GTPBP1: variants seen among roughly 807,000 people sequenced by gnomAD.
GTPBP1 encodes GTP binding protein 1, also known as GTP-binding protein 1.
In GTPBP1, 23 loss-of-function variants were observed where a neutral mutation model predicts 62.0. The ratio of observed to expected loss-of-function variants is 0.37; its 90% CI spans 0.27 to 0.53. GTPBP1 has a LOEUF of 0.53. Among genes scored for constraint, GTPBP1 ranks in the 20% least tolerant of loss-of-function variants. The pLI, the probability that GTPBP1 is intolerant of heterozygous loss-of-function variation, is 0.89. For missense variants in GTPBP1, 640 were observed against 917.3 expected (o/e 0.70, Z 3.90); for synonymous variants, 344 against 364.4 (o/e 0.94, Z 0.64).
At chr22:38,723,045 G>T in intron 5 of GTPBP1, 2 of 785,930 alleles carry the variant, frequency 2.5e-6, no homozygotes, top group Non-Finnish European at 4.6e-6. Flanking sequence ...ATGTTCATGT[G>T]GTCCAAACCA....
chr22:38,709,733 A>G (rs1327177053), intron 2 of GTPBP1, among the ~76,000 whole-genome samples: 1 of 152,164 alleles, frequency 6.6e-6, no homozygotes, highest in African/African-American at 2.4e-5. Context: ...CTCTCTTGTC[A>G]GGCTCCTTGC....
intron 5 of GTPBP1, chr22:38,722,814 C>CA (rs1390399779): frequency 6.3e-7 from 1 of 1,593,232 alleles, no homozygotes; most frequent in East Asian, 2.2e-5. Context: ...ATCCAGTGTC[C>CA]AGTTTGCTGG....
downstream of GTPBP1, among the ~76,000 whole-genome samples, chr22:38,737,380 C>G (rs1437940364): frequency 6.6e-6 from 1 of 152,148 alleles, no homozygotes; most frequent in Non-Finnish European, 1.5e-5. This position sits in a 1 kb window ranked among gnomAD's most constrained non-coding sequence, Gnocchi z 4.1. Flanking sequence ...CGTCTTTGTC[C>G]TCACTCCCAA....
chr22:38,714,149 A>G (rs57591809), intron 2 of GTPBP1, among the ~76,000 whole-genome samples: 224 of 152,326 alleles, frequency 1.5e-3, no homozygotes, highest in African/African-American at 5.3e-3. Flanking sequence ...CGAATGCTGT[A>G]GGAGTCAAGA....
downstream of GTPBP1, chr22:38,734,632 C>T (rs538748398): frequency 4.7e-6 from 1 of 213,962 alleles, no homozygotes; most frequent in African/African-American, 2.4e-5. Flanking sequence ...AGGAATAAGT[C>T]TTTGGGGACA....
chr22:38,730,158 ACT>A lies in GTPBP1; in HGVS notation c.1918-448_1918-447del, dbSNP rs2092749306. On this transcript the variant is annotated intron_variant, in intron 11 of 11. Transcript: ENST00000216044. This position sits in a 1 kb window ranked among gnomAD's most constrained non-coding sequence, Gnocchi z 5.6. ...CTCCTGCCAGCTGTCTCCCACAGGC[ACT>A]CTCTCCTGGCGTGATGAAGGCCTGG... is the stretch of plus-strand genomic sequence containing the variant. 1.3e-5 allele frequency among the ~76,000 whole-genome samples: 2 copies of A among 151,508 alleles called. No individual in the cohort carries two copies. Among genetic ancestry groups the A allele is most frequent in the Non-Finnish European group, 2.9e-5 (2 of 67,890 alleles).
intron 4 of GTPBP1, among the ~76,000 whole-genome samples, chr22:38,720,762 C>T (rs1378849388): frequency 6.6e-6 from 1 of 152,190 alleles, no homozygotes; most frequent in African/African-American, 2.4e-5. Context: ...TGCTTAAACA[C>T]CTAGTTCCTG....
downstream of GTPBP1, chr22:38,735,913 C>T: frequency 4.7e-6 from 1 of 211,198 alleles, no homozygotes; most frequent in South Asian, 6.3e-5. Context: ...ACAGCCCTGG[C>T]ACCTGCTTCA....
At chr22:38,709,433 C>T (rs2092625621) in intron 2 of GTPBP1, among the ~76,000 whole-genome samples, 1 of 152,138 alleles carries the variant, frequency 6.6e-6, no homozygotes, top group Admixed American at 6.5e-5. Flanking sequence ...TTAATTCTGA[C>T]CTTAGTGGCC....
chr22:38,724,397 C>A lies in GTPBP1; in HGVS notation c.1059C>A (p.Asn353Lys). 6.2e-7 allele frequency: 1 copy of A among 1,605,394 alleles called. No individual in the cohort carries two copies. Among genetic ancestry groups the A allele is most frequent in the Non-Finnish European group, 8.5e-7 (1 of 1,171,986 alleles). Residue 353 changes from asparagine (N) to lysine (K), a missense_variant, in exon 6 of 12, where the codon AAC becomes AAA. This residue lies in a region of GTPBP1 where 220 missense variants were observed against 358.1 expected (regional missense o/e 0.61). Coordinates refer to ENST00000216044, the MANE Select transcript of GTPBP1 (RefSeq NM_004286.5). ...ATGATGTGATTGTCACAGCCTCCAA[C>A]TTCAGCTCTGAAAGGTAACGCGTGG... ...SKDDVIVTAS[N>K]FSSERMCPIF... is the part of the protein sequence containing the mutation.
chr22:38,721,305 C>T (rs141215001), intron 4 of GTPBP1, among the ~76,000 whole-genome samples: 1,585 of 152,278 alleles, frequency 0.01, 34 homozygotes, highest in African/African-American at 0.037. Flanking sequence ...CGCGAACTCC[C>T]GACCTCAGGT....
At chr22:38,742,165 AAAAG>A (rs956940888), downstream of GTPBP1, 12 of 1,179,788 alleles carry the variant, frequency 1.0e-5, no homozygotes, top group South Asian at 1.2e-4. Context: ...AAAAAAGAAA[AAAAG>A]AGAAAGGGAG....
chr22:38,719,091 C>T (rs568315232), intron 4 of GTPBP1, among the ~76,000 whole-genome samples: 7 of 152,174 alleles, frequency 4.6e-5, no homozygotes, highest in African/African-American at 9.6e-5. Context: ...CTTCAGCCTC[C>T]GCCTCTTGGG....
downstream of GTPBP1, chr22:38,734,986 A>C: frequency 3.4e-6 from 1 of 293,276 alleles, no homozygotes; most frequent in South Asian, 2.8e-5. Context: ...ACACAGCCGG[A>C]ACCAGTGCCC....
chr22:38,718,945 A>G (rs1402418092), intron 4 of GTPBP1, among the ~76,000 whole-genome samples: 1 of 152,200 alleles, frequency 6.6e-6, no homozygotes, highest in Non-Finnish European at 1.5e-5. Context: ...GCAATCATTA[A>G]CATTTTGCCA....
At chr22:38,738,908 A>G (rs760638811), downstream of GTPBP1, 1 of 1,611,766 alleles carries the variant, frequency 6.2e-7, no homozygotes, top group Non-Finnish European at 8.5e-7. The surrounding 1 kb of genome is among the most constrained non-coding windows in gnomAD (Gnocchi z 6.6). Flanking sequence ...GAGTGGTACC[A>G]CAGGGGGATG....
chr22:38,738,746 C>T, downstream of GTPBP1: 2 of 1,613,390 alleles, frequency 1.2e-6, no homozygotes, highest in Non-Finnish European at 1.7e-6. The surrounding 1 kb of genome is among the most constrained non-coding windows in gnomAD (Gnocchi z 6.6). Flanking sequence ...TGCCTGGGTG[C>T]ACATCTGGCT....
intron 1 of GTPBP1, among the ~76,000 whole-genome samples, chr22:38,708,294 G>A (rs567308477): frequency 4.3e-4 from 65 of 152,340 alleles, no homozygotes; most frequent in African/African-American, 1.2e-3. Flanking sequence ...AATACTCCTC[G>A]TAGTGGTAAT....
Position 38,733,079 on chromosome 22 carries a change from C to T in GTPBP1, c.*2375C>T, listed in dbSNP as rs2145898009. Reference sequence around the variant, plus strand: ...TTCCCATGCCAGCCTTGCCCCCCGGCTTTTCCCAGGCAGGCTCCTGCGTGC... The same window carrying T: ...TTCCCATGCCAGCCTTGCCCCCCGGTTTTTCCCAGGCAGGCTCCTGCGTGC... On this transcript the variant is annotated 3_prime_UTR_variant, in exon 12 of 12. Coordinates refer to ENST00000216044, the MANE Select transcript of GTPBP1 (RefSeq NM_004286.5). 1.3e-5 allele frequency: 2 copies of T among 152,462 alleles called. No individual in the cohort carries two copies. The highest frequency in any genetic ancestry group is 4.1e-4 in the South Asian group (2 of 4,836). 9.4% of individuals were successfully genotyped at this position (152,462 alleles called of 1,614,324 possible). A position where few individuals can be genotyped will look rare whatever the true frequency, so the allele number is the denominator to read the frequency against.
Sources: gnomAD v4.1 joint callset for allele counts (sites outside exome capture counted in the v4.1 genomes callset) on GRCh38, gnomAD v4.1.1 for gene constraint, gnomAD v4.1.1 regional missense constraint, Gnocchi (gnomAD v3.1) non-coding constraint, MANE v1.5 for transcripts, NCBI Gene and HGNC (gene_info 2026-07-23, HGNC 2026-07-21) for gene names.